Variants in SLC30A8 observed in about 807,000 individuals in gnomAD.
The protein encoded by SLC30A8 is proton-coupled zinc antiporter SLC30A8.
SLC30A8 carries 27 observed loss-of-function variants against 36.9 expected under a neutral mutation model. That is an observed-to-expected ratio of 0.73 (90% CI 0.54 to 1.01). The LOEUF is 1.01. SLC30A8 is among the 50% of genes least tolerant of loss of function. The probability of loss-of-function intolerance (pLI) is 0.00; values close to 1 mark genes in which losing one functional copy is unlikely to be tolerated. For missense variants in SLC30A8, 439 were observed against 452.0 expected (o/e 0.97, Z 0.26); for synonymous variants, 164 against 172.4 (o/e 0.95, Z 0.38).
At chr8:116,985,335 A>ACAC (rs1563735131) in intron 1 of SLC30A8, among the ~76,000 whole-genome samples, 4 of 129,348 alleles carry the variant, frequency 3.1e-5, no homozygotes, top group African/African-American at 1.1e-4. Flanking sequence ...CACACACACA[A>ACAC]GTATGTATAT....
chr8:117,012,501 A>G (rs560927864), intron 1 of SLC30A8, among the ~76,000 whole-genome samples: 6 of 152,072 alleles, frequency 3.9e-5, no homozygotes, highest in African/African-American at 7.2e-5. Context: ...AACTATTTAC[A>G]TAGCGTTTAC....
chr8:117,150,087 C>T (rs566743043), intron 2 of SLC30A8, among the ~76,000 whole-genome samples: 5 of 152,210 alleles, frequency 3.3e-5, no homozygotes, highest in Admixed American at 1.3e-4. Context: ...ATTTTCTTAT[C>T]GACATTATAA....
At chr8:116,955,012 T>C (rs1814139406) in intron 1 of SLC30A8, among the ~76,000 whole-genome samples, 1 of 152,120 alleles carries the variant, frequency 6.6e-6, no homozygotes, top group Admixed American at 6.5e-5. Context: ...TGATGAAAAG[T>C]TGAGAGAATT....
chr8:117,154,026 A>C (rs757327978), intron 3 of SLC30A8, among the ~76,000 whole-genome samples: 25 of 152,162 alleles, frequency 1.6e-4, no homozygotes, highest in Non-Finnish European at 2.6e-4. Context: ...AAGTAGCATA[A>C]ACAACTTGGA....
intron 2 of SLC30A8, among the ~76,000 whole-genome samples, chr8:117,049,959 C>T (rs1817659901): frequency 6.6e-6 from 1 of 152,154 alleles, no homozygotes; most frequent in Non-Finnish European, 1.5e-5. Flanking sequence ...TTTAAAGTGA[C>T]CCGGGTATGT....
chr8:117,084,303 C>T lies in SLC30A8; in HGVS notation c.-226+45045C>T, dbSNP rs575444313. ...CTTCCTGAAGTCATCCATGAAGAGA[C>T]GACTGGTACCACATTAGGAAACCAT... On this transcript the variant is annotated intron_variant, in intron 2 of 10. Coordinates refer to the SLC30A8 transcript ENST00000427715. Among the ~76,000 whole-genome samples, 16 of 152,182 alleles carry T rather than the reference C, an allele frequency of 1.1e-4. No homozygotes were observed. In the South Asian group the frequency reaches 1.5e-3, roughly 14 times the overall value.
chr8:117,138,836 C>T (rs553489356), intron 1 of SLC30A8, among the ~76,000 whole-genome samples: 86 of 152,096 alleles, frequency 5.7e-4, no homozygotes, highest in African/African-American at 2.0e-3. Flanking sequence ...TCTGCCAGCT[C>T]TGGTGCAGTG....
intron 1 of SLC30A8, among the ~76,000 whole-genome samples, chr8:117,143,263 T>A (rs1821741671): frequency 6.6e-6 from 1 of 152,144 alleles, no homozygotes; most frequent in African/African-American, 2.4e-5. Context: ...AGTACTGGCA[T>A]CAAATTTTCT....
intron 1 of SLC30A8, among the ~76,000 whole-genome samples, chr8:116,988,240 C>T (rs183616058): frequency 6.6e-6 from 1 of 152,260 alleles, no homozygotes; most frequent in Non-Finnish European, 1.5e-5. Context: ...TATCTTAATC[C>T]AGAGGAGCTC....
chr8:116,981,377 C>T (rs1815253870), intron 1 of SLC30A8, among the ~76,000 whole-genome samples: 1 of 152,138 alleles, frequency 6.6e-6, no homozygotes, highest in African/African-American at 2.4e-5. Context: ...CAAGTAGGCC[C>T]TGATACAAGA....
chr8:117,124,697 CAG>C (rs964485470), intron 2 of SLC30A8, among the ~76,000 whole-genome samples: 3 of 136,726 alleles, frequency 2.2e-5, no homozygotes, highest in Non-Finnish European at 4.8e-5. Context: ...GGTAAAGGAA[CAG>C]AAAATCAAAT....
At chr8:117,105,015 A>G (rs1379421753) in intron 2 of SLC30A8, among the ~76,000 whole-genome samples, 1 of 152,120 alleles carries the variant, frequency 6.6e-6, no homozygotes, top group Non-Finnish European at 1.5e-5. Flanking sequence ...GAGGACCACC[A>G]GAGGTCACTT....
At chr8:117,017,590 C>T (rs141573131) in intron 1 of SLC30A8, among the ~76,000 whole-genome samples, 1 of 152,010 alleles carries the variant, frequency 6.6e-6, no homozygotes, top group Non-Finnish European at 1.5e-5. Flanking sequence ...GGGCCCTGCA[C>T]TTGTGGAATT....
At chr8:117,027,744 C>T (rs1372937782) in intron 1 of SLC30A8, among the ~76,000 whole-genome samples, 1 of 152,156 alleles carries the variant, frequency 6.6e-6, no homozygotes, top group Non-Finnish European at 1.5e-5. Flanking sequence ...CTCATTTCTT[C>T]ATTTCTGAAT....
chr8:117,160,140 A>G (rs1822701711), intron 4 of SLC30A8, among the ~76,000 whole-genome samples: 2 of 152,216 alleles, frequency 1.3e-5, no homozygotes, highest in South Asian at 4.1e-4. Context: ...TCAGGAATAA[A>G]TCTATTCCCT....
At chr8:117,090,434 A>C (rs769163711) in intron 2 of SLC30A8, among the ~76,000 whole-genome samples, 14 of 152,218 alleles carry the variant, frequency 9.2e-5, no homozygotes, top group Non-Finnish European at 2.1e-4. Flanking sequence ...AGACTGGGTA[A>C]CATAAACAAA....
At position 117,172,670 on chromosome 8, in the gene SLC30A8, C is replaced by T. The variant is rs752486387; in HGVS notation, c.1099C>T (p.Pro367Ser). 1.9e-6 allele frequency: 3 copies of T among 1,613,484 alleles called. No individual in the cohort carries two copies. The highest frequency in any genetic ancestry group is 2.7e-5 in the African/African-American group (2 of 74,874). Residue 367 changes from proline to serine, a missense_variant, in exon 8 of 8, where the codon CCC becomes TCC. Coordinates refer to ENST00000456015, the MANE Select transcript of SLC30A8 (RefSeq NM_173851.3). ...QDPDCLFCED[P>S]CD ...CCCCGACTGCCTTTTCTGTGAAGAC[C>T]CCTGTGACTAGCTCAGTCACACCGT...
At chr8:117,124,359 A>G (rs1030802615) in intron 2 of SLC30A8, among the ~76,000 whole-genome samples, 8 of 151,836 alleles carry the variant, frequency 5.3e-5, no homozygotes, top group Non-Finnish European at 7.4e-5. Flanking sequence ...AGCTACAAAG[A>G]TTTGCTTCCC....
intron 1 of SLC30A8, among the ~76,000 whole-genome samples, chr8:116,968,858 T>G (rs929553755): frequency 2.0e-5 from 3 of 152,110 alleles, no homozygotes; most frequent in African/African-American, 7.2e-5. Context: ...TGCCTCAGCC[T>G]CCTAAGTAGC....
Sources: allele counts gnomAD v4.1 joint callset (sites outside exome capture counted in the v4.1 genomes callset), GRCh38; gene constraint gnomAD v4.1.1; transcripts MANE v1.5; gene names NCBI Gene and HGNC (gene_info 2026-07-23, HGNC 2026-07-21).